GNB1: variants seen among roughly 807,000 people sequenced by gnomAD.
The protein encoded by GNB1 is guanine nucleotide-binding protein G(I)/G(S)/G(T) subunit beta-1.
Under a neutral mutation model 42.9 loss-of-function variants are expected in GNB1, and 2 were observed. The observed-to-expected ratio is 0.05, with a 90% CI of 0.02 to 0.15. GNB1 has a LOEUF of 0.15. Ranked by LOEUF, GNB1 falls within the 10% of genes least tolerant of loss-of-function variation. The probability of loss-of-function intolerance (pLI) is 1.00; values close to 1 mark genes in which losing one functional copy is unlikely to be tolerated. For missense variants in GNB1, 193 were observed against 462.2 expected (o/e 0.42, Z 5.34); for synonymous variants, 183 against 174.7 (o/e 1.05, Z -0.38).
chr1:1,842,563 C>T (rs750161830), intron 1 of GNB1, among the ~76,000 whole-genome samples: 9 of 152,108 alleles, frequency 5.9e-5, no homozygotes, highest in Non-Finnish European at 7.4e-5. Context: ...ATGAAATATC[C>T]GGAACACACA....
intron 1 of GNB1, among the ~76,000 whole-genome samples, chr1:1,868,551 G>T (rs1424820589): frequency 2.0e-5 from 3 of 152,142 alleles, no homozygotes; most frequent in African/African-American, 7.2e-5. Flanking sequence ...GGGAGGCCGA[G>T]GCAGGTGAAT....
At chr1:1,876,029 C>T (rs925798824) in intron 1 of GNB1, among the ~76,000 whole-genome samples, 2 of 152,078 alleles carry the variant, frequency 1.3e-5, no homozygotes, top group African/African-American at 4.8e-5. Flanking sequence ...TAGAGAGTGA[C>T]TCCTCTACAA....
intron 3 of GNB1, among the ~76,000 whole-genome samples, chr1:1,823,340 A>C (rs1246571822): frequency 2.0e-5 from 3 of 151,954 alleles, no homozygotes; most frequent in Non-Finnish European, 4.4e-5. Context: ...GAACCCCCCC[A>C]AAAACCCAGT....
intron 1 of GNB1, among the ~76,000 whole-genome samples, chr1:1,870,108 G>A (rs1049434107): frequency 4.6e-5 from 7 of 152,156 alleles, no homozygotes; most frequent in East Asian, 3.9e-4. Flanking sequence ...TGATCTGCCC[G>A]CCATGGCCTC....
At chr1:1,835,293 T>C (rs1647130639) in intron 2 of GNB1, among the ~76,000 whole-genome samples, 2 of 152,214 alleles carry the variant, frequency 1.3e-5, no homozygotes, top group Non-Finnish European at 2.9e-5. Flanking sequence ...ACCCAGACTC[T>C]ATCTCTTCTC....
At chr1:1,850,428 C>T (rs2101491717) in intron 1 of GNB1, among the ~76,000 whole-genome samples, 2 of 151,938 alleles carry the variant, frequency 1.3e-5, no homozygotes, top group Admixed American at 1.3e-4. Flanking sequence ...CCACCGCGCC[C>T]AGCCTAAATG....
At chr1:1,883,250 G>C (rs562889635) in intron 1 of GNB1, among the ~76,000 whole-genome samples, 1 of 143,290 alleles carries the variant, frequency 7.0e-6, no homozygotes, top group African/African-American at 2.6e-5. Flanking sequence ...CCACACTCCA[G>C]CCTGGGTGAC....
intron 1 of GNB1, among the ~76,000 whole-genome samples, chr1:1,874,551 G>A (rs996540210): frequency 1.5e-5 from 2 of 136,946 alleles, no homozygotes; most frequent in Non-Finnish European, 3.1e-5. Context: ...AGGTTGCAGT[G>A]AGACGAGACT....
chr1:1,882,665 G>C lies in GNB1; in HGVS notation c.-96+8155C>G, dbSNP rs532347287. On this transcript the variant is annotated intron_variant, in intron 1 of 11. Transcript: ENST00000378609. Reference sequence around the variant, plus strand: ...GGGCAGGGCGTGGTGGCTCACGCCTGTAATCCCAGCACTTTGGGAGGCCGA... The same window carrying C: ...GGGCAGGGCGTGGTGGCTCACGCCTCTAATCCCAGCACTTTGGGAGGCCGA... 2.0e-4 allele frequency among the ~76,000 whole-genome samples: 31 copies of C among 152,282 alleles called. 2 individuals are homozygous for C. The South Asian group carries it at 5.8e-3, about 29-fold the overall frequency.
chr1:1,847,519 C>CT (rs1195620862), intron 1 of GNB1, among the ~76,000 whole-genome samples: 1 of 152,160 alleles, frequency 6.6e-6, no homozygotes, highest in East Asian at 1.9e-4. Flanking sequence ...TCATAAGGAC[C>CT]TTTAAGGCTC....
intron 7 of GNB1, among the ~76,000 whole-genome samples, chr1:1,802,957 C>G (rs1469739290): frequency 2.0e-5 from 3 of 152,118 alleles, no homozygotes; most frequent in Non-Finnish European, 4.4e-5. Context: ...GAACAGAGAA[C>G]AGAAATCAAC....
intron 3 of GNB1, among the ~76,000 whole-genome samples, chr1:1,823,572 G>C (rs1646960803): frequency 6.6e-6 from 1 of 152,118 alleles, no homozygotes; most frequent in African/African-American, 2.4e-5. Context: ...AAACAAGTCT[G>C]ATCAGAGCAA....
Position 1,883,592 on chromosome 1 carries a change from A to G in GNB1, c.-96+7228T>C, listed in dbSNP as rs999218167. Among the ~76,000 whole-genome samples, 3 of 152,312 alleles carry G rather than the reference A, an allele frequency of 2.0e-5. No individual in the cohort carries two copies. The South Asian group carries it at 6.2e-4, about 32-fold the overall frequency. ...CAGTGCCCACATCAGGACTCATTTA[A>G]TCCTCACAATGACCCCATGAAGGAG... On this transcript the variant is annotated intron_variant, in intron 1 of 11. Transcript: ENST00000378609.
intron 1 of GNB1, among the ~76,000 whole-genome samples, chr1:1,881,023 T>C (rs955802523): frequency 4.6e-5 from 7 of 152,276 alleles, no homozygotes; most frequent in African/African-American, 1.7e-4. Flanking sequence ...GGGAGTGAAC[T>C]GTGCAAACAC....
chr1:1,864,081 G>T (rs568108527), intron 1 of GNB1, among the ~76,000 whole-genome samples: 5 of 151,506 alleles, frequency 3.3e-5, no homozygotes, highest in African/African-American at 1.2e-4. Flanking sequence ...CCAGCACTTT[G>T]GGAGGCTGAG....
rs983324110 is a variant in GNB1 at position 1,790,216 on chromosome 1, G to C, written c.699+179C>G. 3.9e-5 allele frequency among the ~76,000 whole-genome samples: 6 copies of C among 152,220 alleles called. No homozygotes were observed. Among genetic ancestry groups the C allele is most frequent in the Admixed American group, 3.9e-4 (6 of 15,282 alleles). Reference sequence around the variant, plus strand: ...TACAACACCCTGTGAGTATCTGTGAGACAAGTGGTCAACACAGAGAAGTTT... The same window carrying C: ...TACAACACCCTGTGAGTATCTGTGACACAAGTGGTCAACACAGAGAAGTTT... On this transcript the variant is annotated intron_variant, in intron 9 of 11. Transcript: ENST00000378609. The surrounding 1 kb of genome is among the most constrained non-coding windows in gnomAD (Gnocchi z 5.4).
At chr1:1,853,678 G>A (rs989144399) in intron 1 of GNB1, among the ~76,000 whole-genome samples, 8 of 152,210 alleles carry the variant, frequency 5.3e-5, no homozygotes, top group Middle Eastern at 3.4e-3. Context: ...TTTAGAAAGA[G>A]AACTGGAAAC....
chr1:1,805,187 G>A (rs897340217), intron 6 of GNB1, among the ~76,000 whole-genome samples: 1 of 150,834 alleles, frequency 6.6e-6, no homozygotes, highest in African/African-American at 2.4e-5. Context: ...GGCCGGGTGC[G>A]GTGGCTCATG....
chr1:1,874,466 G>A (rs1649425363), intron 1 of GNB1, among the ~76,000 whole-genome samples: 2 of 151,942 alleles, frequency 1.3e-5, no homozygotes, highest in South Asian at 4.2e-4. Flanking sequence ...AGAAAGCCGG[G>A]CGTGGCGGTG....
Sources: gnomAD v4.1 joint callset for allele counts (sites outside exome capture counted in the v4.1 genomes callset) on GRCh38, gnomAD v4.1.1 for gene constraint, Gnocchi (gnomAD v3.1) non-coding constraint, MANE v1.5 for transcripts, NCBI Gene and HGNC (gene_info 2026-07-23, HGNC 2026-07-21) for gene names.